PHLDB2: variants seen among roughly 807,000 people sequenced by gnomAD.
The protein encoded by PHLDB2 is pleckstrin homology like domain family B member 2, also known as pleckstrin homology-like domain family B member 2.
A neutral mutation model predicts 123.6 loss-of-function variants in PHLDB2; 71 were observed. The observed-to-expected ratio is 0.57, with a 90% CI of 0.47 to 0.70. The LOEUF is 0.70. PHLDB2 is among the 30% of genes least tolerant of loss of function. The pLI is 0.00. For synonymous variants in PHLDB2, 547 were observed against 541.6 expected (o/e 1.01, Z -0.14); for missense variants, 1,446 against 1,519.5 (o/e 0.95, Z 0.80).
intron 2 of PHLDB2, among the ~76,000 whole-genome samples, chr3:111,910,403 A>G (rs1036576012): frequency 1.1e-4 from 16 of 152,346 alleles, no homozygotes; most frequent in South Asian, 1.0e-3. Context: ...GAGAATGAAC[A>G]CTAGATTCCT....
Position 111,859,314 on chromosome 3 carries a change from G to A in PHLDB2, c.-277G>A, listed in dbSNP as rs73228506. ...TGAGAAGCTGGCGCCCAGTGATGGGGCAAACAGCCATGCCCTTCCAGCAGC... is the reference window on the plus strand; with the variant it reads ...TGAGAAGCTGGCGCCCAGTGATGGGACAAACAGCCATGCCCTTCCAGCAGC... On this transcript the variant is annotated 5_prime_UTR_variant, in exon 1 of 18. Transcript: ENST00000431670. The A allele has an allele frequency of 0.14, 135,015 of 985,466 alleles. 9,716 individuals carry two copies. Among genetic ancestry groups the A allele is most frequent in the Non-Finnish European group, 0.15 (122,714 of 829,948 alleles). 61.0% of individuals were successfully genotyped at this position (985,466 alleles called of 1,614,324 possible). A position where few individuals can be genotyped will look rare whatever the true frequency, so the allele number is the denominator to read the frequency against.
intron 1 of PHLDB2, among the ~76,000 whole-genome samples, chr3:111,792,852 T>C (rs1272920830): frequency 1.3e-5 from 2 of 152,186 alleles, no homozygotes; most frequent in Non-Finnish European, 2.9e-5. Flanking sequence ...AAGATTATGA[T>C]TAATTTATTT....
chr3:111,879,860 C>T (rs2065850170), intron 1 of PHLDB2, among the ~76,000 whole-genome samples: 1 of 152,040 alleles, frequency 6.6e-6, no homozygotes, highest in Non-Finnish European at 1.5e-5. Context: ...GTATCTTCTT[C>T]ATCATCTGAC....
At chr3:111,971,740 T>C (rs1015264925) in intron 16 of PHLDB2, among the ~76,000 whole-genome samples, 3 of 152,166 alleles carry the variant, frequency 2.0e-5, no homozygotes, top group Non-Finnish European at 4.4e-5. Flanking sequence ...ACAGGAGTCA[T>C]GTCCCTTCTG....
chr3:111,907,929 T>A (rs1179866835), intron 2 of PHLDB2, among the ~76,000 whole-genome samples: 2 of 152,194 alleles, frequency 1.3e-5, no homozygotes, highest in Non-Finnish European at 2.9e-5. Context: ...TCCAAGTAGC[T>A]GAGAATACAG....
In PHLDB2 at chr3:111,948,963, C is replaced by T. The variant is rs766196202; in HGVS notation, c.2519C>T (p.Pro840Leu). The T allele has an allele frequency of 1.5e-5, 24 of 1,613,834 alleles. No homozygotes were observed. Among genetic ancestry groups the T allele is most frequent in the South Asian group, 8.8e-5 (8 of 91,084 alleles). Reference protein sequence around the residue: ...GYISVNEINEPCGNSTNLSPS... With the variant: ...GYISVNEINELCGNSTNLSPS... ...ATCAGTGTAAATGAGATTAATGAGC[C>T]GTGTGGCAATTCCACGAATCTATCC... Residue 840 changes from proline to leucine, a missense_variant, in exon 10 of 18, where the codon CCG becomes CTG. Pro to Leu is a moderately conservative substitution (Grantham distance 98). Coordinates refer to ENST00000431670, the MANE Select transcript of PHLDB2 (RefSeq NM_001134438.2).
At chr3:111,829,280 T>C (rs1576772899) in intron 1 of PHLDB2, among the ~76,000 whole-genome samples, 1 of 152,028 alleles carries the variant, frequency 6.6e-6, no homozygotes, top group South Asian at 2.1e-4. Context: ...ATTGTTCAAA[T>C]CCATCACTAT....
intron 1 of PHLDB2, among the ~76,000 whole-genome samples, chr3:111,832,418 A>C (rs958548434): frequency 6.6e-6 from 1 of 151,532 alleles, no homozygotes; most frequent in Admixed American, 6.6e-5. Flanking sequence ...AATTGTACCA[A>C]TTAATCAAAG....
At chr3:111,782,134 G>C (rs921209881) in intron 1 of PHLDB2, among the ~76,000 whole-genome samples, 3 of 152,040 alleles carry the variant, frequency 2.0e-5, no homozygotes, top group Non-Finnish European at 2.9e-5. Context: ...TAAGTGTGAA[G>C]CTAAACTTCA....
chr3:111,858,612 G>T (rs1184868571), upstream of PHLDB2, among the ~76,000 whole-genome samples: 2 of 152,166 alleles, frequency 1.3e-5, no homozygotes, highest in African/African-American at 4.8e-5. Flanking sequence ...ATGGTGCCAA[G>T]TACTTTGCAT....
At chr3:111,918,984 C>G (rs1157529962) in intron 3 of PHLDB2, 88 bp from the exon 4 acceptor site, 1 of 1,377,560 alleles carries the variant, frequency 7.3e-7, no homozygotes, top group Admixed American at 1.7e-5. Flanking sequence ...GACTGTGAGA[C>G]CCTAGACCTG....
intron 2 of PHLDB2, among the ~76,000 whole-genome samples, chr3:111,852,684 C>T (rs766792194): frequency 2.2e-4 from 33 of 151,806 alleles, no homozygotes; most frequent in Admixed American, 3.9e-4. Flanking sequence ...GCAAAGTAGA[C>T]CAATTCAGGG....
At chr3:111,956,463 A>G (rs914125001) in intron 12 of PHLDB2, among the ~76,000 whole-genome samples, 1 of 152,216 alleles carries the variant, frequency 6.6e-6, no homozygotes, top group African/African-American at 2.4e-5. Flanking sequence ...TTGCAAAATC[A>G]AATCTGTCTT....
chr3:111,796,046 G>A (rs1165349233), intron 1 of PHLDB2, among the ~76,000 whole-genome samples: 2 of 152,078 alleles, frequency 1.3e-5, no homozygotes, highest in Non-Finnish European at 2.9e-5. Flanking sequence ...ACAGGCGCCC[G>A]CCACCACGCC....
At chr3:111,951,131 T>C (rs1033435005) in intron 10 of PHLDB2, among the ~76,000 whole-genome samples, 4 of 152,206 alleles carry the variant, frequency 2.6e-5, no homozygotes, top group African/African-American at 9.6e-5. Flanking sequence ...ATTGAAGTGT[T>C]CTGATGTCAT....
chr3:111,872,240 C>T (rs986089530), intron 1 of PHLDB2, among the ~76,000 whole-genome samples: 2 of 152,180 alleles, frequency 1.3e-5, no homozygotes, highest in African/African-American at 4.8e-5. Flanking sequence ...GTTTTCTTTC[C>T]ACAGTAACAT....
intron 12 of PHLDB2, among the ~76,000 whole-genome samples, chr3:111,955,831 G>A (rs1647977148): frequency 1.3e-5 from 2 of 152,186 alleles, no homozygotes; most frequent in African/African-American, 4.8e-5. Flanking sequence ...GCATTTTCAT[G>A]TACTTCAGGT....
At chr3:111,821,200 A>G (rs2108402076) in intron 1 of PHLDB2, among the ~76,000 whole-genome samples, 1 of 152,346 alleles carries the variant, frequency 6.6e-6, no homozygotes, top group Non-Finnish European at 1.5e-5. Context: ...TCCCACTGCC[A>G]TGATAGATTT....
chr3:111,955,367 TAAATC>T (rs1236750392), intron 12 of PHLDB2, among the ~76,000 whole-genome samples: 2 of 152,154 alleles, frequency 1.3e-5, no homozygotes, highest in Non-Finnish European at 2.9e-5. Flanking sequence ...ATAATAAACA[TAAATC>T]CATCTATTTT....
Sources: gnomAD v4.1 joint callset for allele counts (sites outside exome capture counted in the v4.1 genomes callset) on GRCh38, gnomAD v4.1.1 for gene constraint, MANE v1.5 for transcripts, NCBI Gene and HGNC (gene_info 2026-07-23, HGNC 2026-07-21) for gene names.